The following OTUD4 variants were observed in gnomAD, a reference collection of about 807,000 sequenced individuals.
The protein encoded by OTUD4 is OTU deubiquitinase 4.
Under a neutral mutation model 130.4 loss-of-function variants are expected in OTUD4, and 24 were observed. That is an observed-to-expected ratio of 0.18 (90% CI 0.13 to 0.26). The LOEUF is 0.26. Ranked by LOEUF, OTUD4 falls within the 10% of genes least tolerant of loss-of-function variation. The pLI, the probability that OTUD4 is intolerant of heterozygous loss-of-function variation, is 1.00. For missense variants in OTUD4, 1,031 were observed against 1,329.4 expected, an observed-to-expected ratio of 0.78 and a Z score of 3.49; for synonymous variants, 420 against 472.5, an observed-to-expected ratio of 0.89 and a Z score of 1.44.
chr4:145,154,343 G>A (rs1192433386), intron 10 of OTUD4, among the ~76,000 whole-genome samples: 7 of 152,136 alleles, frequency 4.6e-5, no homozygotes, highest in Non-Finnish European at 1.0e-4. Context: ...CCCAGAACCA[G>A]AACTATTGAA....
intron 2 of OTUD4, among the ~76,000 whole-genome samples, chr4:145,173,816 T>C (rs1752292418): frequency 1.3e-5 from 2 of 152,210 alleles, no homozygotes; most frequent in Admixed American, 6.5e-5. Flanking sequence ...TTTCACATAC[T>C]ACTGAGAAAA....
intron 7 of OTUD4, among the ~76,000 whole-genome samples, chr4:145,157,009 T>C (rs1040163185): frequency 6.6e-6 from 1 of 152,176 alleles, no homozygotes; most frequent in South Asian, 2.1e-4. Context: ...GACTTGAATA[T>C]GTGCAGATTG....
intron 1 of OTUD4, among the ~76,000 whole-genome samples, chr4:145,177,017 A>C (rs2126814670): frequency 6.6e-6 from 1 of 152,376 alleles, no homozygotes; most frequent in South Asian, 2.1e-4. Context: ...ATATTCTAAG[A>C]GTATGTGACC....
At chr4:145,142,467 G>C in intron 17 of OTUD4, 133 bp from the exon 18 acceptor site, 1 of 720,562 alleles carries the variant, frequency 1.4e-6, no homozygotes, top group South Asian at 1.9e-5. Flanking sequence ...AGCCCTTATA[G>C]TCTTAGAAAT....
chr4:145,138,797 T>G (rs1272774536), intron 20 of OTUD4, 147 bp from the exon 21 acceptor site: 1 of 664,910 alleles, frequency 1.5e-6, no homozygotes, highest in Non-Finnish European at 2.5e-6. Context: ...TAAATCACTG[T>G]GATAACCAAC....
rs36225146 is a variant in OTUD4, at chr4:145,161,900, GA to G, written c.496+739del. 4.4e-3 allele frequency among the ~76,000 whole-genome samples: 668 copies of G among 152,062 alleles called. 3 individuals carry two copies. The highest frequency in any genetic ancestry group is 0.015 in the African/African-American group (614 of 41,492). On this transcript the variant is annotated intron_variant, in intron 6 of 20. Coordinates refer to ENST00000447906, the MANE Select transcript of OTUD4 (RefSeq NM_001366057.1). Reference sequence around the variant, plus strand: ...ATCTTTATTACCAAAATGATTGCAGGAAAAAAAAGTTGGTATTTACAAGTCA... The same window carrying G: ...ATCTTTATTACCAAAATGATTGCAGGAAAAAAAGTTGGTATTTACAAGTCA...
At chr4:145,161,240 T>C (rs1185021076) in intron 6 of OTUD4, among the ~76,000 whole-genome samples, 1 of 152,134 alleles carries the variant, frequency 6.6e-6, no homozygotes, top group African/African-American at 2.4e-5. Flanking sequence ...GCAGCCCTCG[T>C]ATCACCCAAA....
At position 145,150,626 on chromosome 4, in the gene OTUD4, C is replaced by G; in HGVS notation, c.1146G>C (p.Gln382His). The change falls in exon 13 of 21, where the codon CAG becomes CAC. Residue 382 changes from glutamine to histidine, a missense_variant. Gln to His is a conservative substitution (Grantham distance 24). Transcript: ENST00000447906. ...CATGTTGTCTTACTCCTGAAGGATG[C>G]TGCAGTCGAGGAGGTAGTGCTGATG... ...KAPSALPPRL[Q>H]HPSGVRQHAF... The G allele has an allele frequency of 1.9e-6, 3 of 1,613,192 alleles. No individual in the cohort carries two copies. Among genetic ancestry groups the G allele is most frequent in the Non-Finnish European group, 2.5e-6 (3 of 1,179,210 alleles).
chr4:145,165,555 G>A (rs1751815302), intron 3 of OTUD4, among the ~76,000 whole-genome samples: 1 of 151,856 alleles, frequency 6.6e-6, no homozygotes, highest in Non-Finnish European at 1.5e-5. Context: ...TCGGCTCACC[G>A]CAACCTCTGC....
rs371641211 is a variant in OTUD4, at chr4:145,143,354, A to G, written c.1683+11T>C. 19 of 1,551,010 alleles carry G rather than the reference A, an allele frequency of 1.2e-5. No individual in the cohort carries two copies. The highest frequency in any genetic ancestry group is 3.4e-4 in the Middle Eastern group (2 of 5,942). ...TGGAGCATTCAATGTTAAATGCAACAATATACTTACTTGTTCCGCAGGAGA... is the reference window on the plus strand; with the variant it reads ...TGGAGCATTCAATGTTAAATGCAACGATATACTTACTTGTTCCGCAGGAGA... On this transcript the variant is annotated intron_variant, in intron 17 of 20. Transcript: ENST00000447906.
At chr4:145,179,705 G>A in intron 1 of OTUD4, 110 bp downstream of exon 1, 2 of 1,413,256 alleles carry the variant, frequency 1.4e-6, no homozygotes, top group South Asian at 1.5e-5. Context: ...GCCAGGGCAC[G>A]CGCAGCCCCG....
rs544088778 is a variant in OTUD4, at chr4:145,166,058, G to A, written c.295-861C>T. 2.0e-5 allele frequency among the ~76,000 whole-genome samples: 3 copies of A among 152,056 alleles called. No individual in the cohort carries two copies. The South Asian group carries it at 6.2e-4, about 32-fold the overall frequency. ...TGCCTATAGTCCTAGCTACTCAAGA[G>A]GCTGAGGCAGGAGAATCGCTTGAAC... On this transcript the variant is annotated intron_variant, in intron 3 of 20. Transcript: ENST00000447906.
At chr4:145,178,495 A>G (rs3775800) in intron 1 of OTUD4, 41,782 of 152,216 alleles carry the variant, frequency 0.27, 7,180 homozygotes, top group Non-Finnish European at 0.38. Context: ...AAAATTCACA[A>G]ATGGGGCAGA....
rs771020640 is a variant in OTUD4 at position 145,143,964 on chromosome 4, G to A, written c.1584C>T (p.Pro528=). The change falls in exon 16 of 21, where the codon CCC becomes CCT. Residue 528 remains proline, a synonymous_variant. Coordinates refer to ENST00000447906, the MANE Select transcript of OTUD4 (RefSeq NM_001366057.1). ...CTTTTACCTCCAATGTGCTTGGTTC[G>A]GGTCTTTTATCCAACTGACTATGTC... ...IHGHSQLDKR[P]EPSTLENITD... 24 of 1,612,628 alleles carry A rather than the reference G, an allele frequency of 1.5e-5. 1 individual carries two copies. The Middle Eastern group carries it at 8.2e-4, about 55-fold the overall frequency.
At position 145,137,883 on chromosome 4, in the gene OTUD4, G is replaced by C; in HGVS notation, c.2892C>G (p.Pro964=). 6.2e-7 allele frequency: 1 copy of C among 1,614,064 alleles called. No homozygotes were observed. Among genetic ancestry groups the C allele is most frequent in the Non-Finnish European group, 8.5e-7 (1 of 1,179,972 alleles). Residue 964 remains proline (P), a synonymous_variant, in exon 21 of 21, where the codon CCC becomes CCG. Coordinates refer to ENST00000447906, the MANE Select transcript of OTUD4 (RefSeq NM_001366057.1). ...CTCTCTCTCTGTTTAGAATCTGAGT[G>C]GGAGGATGAGCCTTTCCCTCTGCTA... The part of the protein sequence containing the change: ...PPVAEGKAHP[P]TQILNRERET...
At position 145,142,261 on chromosome 4, in the gene OTUD4, G is replaced by C; in HGVS notation, c.1757C>G (p.Ala586Gly). ...CACAGTGGCTGGTAAAGAAGGCACC[G>C]CAGGAGTTAGATGTACCTCTGGAGA... ...LVSPEVHLTP[A>G]VPSLPATVPA... Residue 586 changes from alanine (A) to glycine (G), a missense_variant, in exon 18 of 21, where the codon GCG becomes GGG. By Grantham distance (60) the Ala-to-Gly change is moderately conservative (BLOSUM62 0). Around this residue, in one of 3 missense-constraint regions of OTUD4, gnomAD observed 900 missense variants for 1,095.9 expected, o/e 0.82. Coordinates refer to ENST00000447906, the MANE Select transcript of OTUD4 (RefSeq NM_001366057.1). 6.2e-7 allele frequency: 1 copy of C among 1,613,428 alleles called. No individual in the cohort carries two copies. The highest frequency in any genetic ancestry group is 8.5e-7 in the Non-Finnish European group (1 of 1,179,352).
chr4:145,153,446 G>C (rs956278826), intron 10 of OTUD4, among the ~76,000 whole-genome samples: 4 of 152,166 alleles, frequency 2.6e-5, no homozygotes, highest in African/African-American at 7.2e-5. Flanking sequence ...CATGGAGATG[G>C]AATGAGGGTG....
chr4:145,137,852 C>G lies in OTUD4; in HGVS notation c.2923G>C (p.Val975Leu). 6.2e-7 allele frequency: 1 copy of G among 1,614,126 alleles called. No individual in the cohort carries two copies. The highest frequency in any genetic ancestry group is 2.2e-5 in the East Asian group (1 of 44,842). The part of the protein sequence containing the change: ...TQILNRERET[V>L]PVELEPKRTI... ...CTTTTAGGTTCAAGTTCAACAGGCA[C>G]AGTTTCTCTCTCTCTGTTTAGAATC... The change falls in exon 21 of 21, where the codon GTG becomes CTG. Residue 975 changes from valine (V) to leucine (L), a missense_variant. Coordinates refer to ENST00000447906, the MANE Select transcript of OTUD4 (RefSeq NM_001366057.1).
chr4:145,144,177 T>C, intron 15 of OTUD4, 134 bp downstream of exon 15: 1 of 1,105,642 alleles, frequency 9.0e-7, no homozygotes, highest in South Asian at 1.5e-5. Flanking sequence ...AATACTTCTC[T>C]GCAACATTCA....
Sources: gnomAD v4.1 joint callset for allele counts (sites outside exome capture counted in the v4.1 genomes callset) on GRCh38, gnomAD v4.1.1 for gene constraint, gnomAD v4.1.1 regional missense constraint, MANE v1.5 for transcripts, NCBI Gene and HGNC (gene_info 2026-07-23, HGNC 2026-07-21) for gene names.